Variants in SKIC3 observed in about 807,000 individuals in gnomAD.
The protein encoded by SKIC3 is superkiller complex protein 3.
chr5:95,544,775 GT>G, the SKIC3 span, among the ~76,000 whole-genome samples: 2 of 152,194 alleles, frequency 1.3e-5, no homozygotes, highest in African/African-American at 4.8e-5. Context: ...CAAAATGGAT[GT>G]TTAAGAAAAT....
At chr5:95,543,288 C>T in the SKIC3 span, 3,899 of 1,613,950 alleles carry the variant, frequency 2.4e-3, 73 homozygotes, top group African/African-American at 0.04. Flanking sequence ...CCAATAAAAA[C>T]CCAGGCATTA....
the SKIC3 span, chr5:95,494,558 A>G: frequency 2.0e-6 from 2 of 995,882 alleles, no homozygotes; most frequent in Non-Finnish European, 3.1e-6. Flanking sequence ...AATTACACAC[A>G]TTTTTGTCTG....
chr5:95,494,457 A>T, the SKIC3 span, among the ~76,000 whole-genome samples: 1 of 152,190 alleles, frequency 6.6e-6, no homozygotes, highest in Non-Finnish European at 1.5e-5. Flanking sequence ...ATCAATTTAA[A>T]AAGTCCTTTC....
At chr5:95,536,697 G>T in the SKIC3 span, 1 of 832,598 alleles carries the variant, frequency 1.2e-6, no homozygotes, top group Admixed American at 1.8e-5. Context: ...TTCTTTTTAT[G>T]TCCAGAAACA....
chr5:95,533,697 T>C, the SKIC3 span, among the ~76,000 whole-genome samples: 1 of 152,310 alleles, frequency 6.6e-6, no homozygotes, highest in East Asian at 1.9e-4. Flanking sequence ...TCCAGAACCT[T>C]ACTCAAAAAT....
At chr5:95,516,445 C>T in the SKIC3 span, 1 of 1,612,412 alleles carries the variant, frequency 6.2e-7, no homozygotes, top group Non-Finnish European at 8.5e-7. Flanking sequence ...TAAAATAGGC[C>T]CCTTGTCTAG....
At chr5:95,546,814 G>A in the SKIC3 span, among the ~76,000 whole-genome samples, 1 of 152,134 alleles carries the variant, frequency 6.6e-6, no homozygotes, top group African/African-American at 2.4e-5. Context: ...ACCATCAAAA[G>A]ATATTTATGG....
chr5:95,498,680 C>T, the SKIC3 span: 3 of 1,208,758 alleles, frequency 2.5e-6, no homozygotes, highest in Non-Finnish European at 3.5e-6. Context: ...GGCTGGAGTG[C>T]AGTGGCACCA....
the SKIC3 span, among the ~76,000 whole-genome samples, chr5:95,552,776 T>G: frequency 6.6e-6 from 1 of 151,752 alleles, no homozygotes; most frequent in African/African-American, 2.4e-5. Context: ...TTAGCAAAAA[T>G]GTTGTACGTT....
the SKIC3 span, among the ~76,000 whole-genome samples, chr5:95,506,625 A>G: frequency 6.6e-6 from 1 of 152,154 alleles, no homozygotes; most frequent in East Asian, 1.9e-4. Flanking sequence ...TATATAGCAA[A>G]TCAGAATAAA....
chr5:95,521,043 T>G, the SKIC3 span, among the ~76,000 whole-genome samples: 2 of 152,044 alleles, frequency 1.3e-5, no homozygotes, highest in Non-Finnish European at 2.9e-5. Flanking sequence ...ATAAAAAAGT[T>G]ATCTACAGAA....
At chr5:95,529,118 CAA>C in the SKIC3 span, 1 of 1,611,674 alleles carries the variant, frequency 6.2e-7, no homozygotes. Context: ...AGGATAAAAA[CAA>C]TCACAAAAAA....
the SKIC3 span, chr5:95,523,728 G>C: frequency 1.2e-6 from 2 of 1,613,550 alleles, no homozygotes; most frequent in African/African-American, 2.7e-5. Flanking sequence ...TAATTCAAAG[G>C]CTTTCCTATA....
the SKIC3 span, among the ~76,000 whole-genome samples, chr5:95,511,981 T>C: frequency 6.6e-6 from 1 of 152,348 alleles, no homozygotes; most frequent in East Asian, 1.9e-4. Context: ...ATCTTTCCAA[T>C]ATCTTCAAGA....
At chr5:95,503,891 G>A in the SKIC3 span, 1 of 1,613,798 alleles carries the variant, frequency 6.2e-7, no homozygotes, top group South Asian at 1.1e-5. Flanking sequence ...CACTTCAAGG[G>A]GTGTTGACTT....
the SKIC3 span, among the ~76,000 whole-genome samples, chr5:95,466,645 C>T: frequency 1.3e-5 from 2 of 152,316 alleles, no homozygotes; most frequent in South Asian, 2.1e-4. Flanking sequence ...GATGTTAATA[C>T]AAGACCAGTG....
chr5:95,475,279 T>C, the SKIC3 span, among the ~76,000 whole-genome samples: 3 of 152,168 alleles, frequency 2.0e-5, no homozygotes, highest in African/African-American at 7.2e-5. Flanking sequence ...CGTTGAACTG[T>C]AATCCCCAGT....
chr5:95,473,817 G>A, the SKIC3 span, among the ~76,000 whole-genome samples: 2 of 152,200 alleles, frequency 1.3e-5, no homozygotes, highest in Non-Finnish European at 2.9e-5. Context: ...TTAGATCTTT[G>A]TCAGATGCAT....
At chr5:95,478,851 A>C in the SKIC3 span, among the ~76,000 whole-genome samples, 1 of 152,186 alleles carries the variant, frequency 6.6e-6, no homozygotes, top group Non-Finnish European at 1.5e-5. Context: ...TAGCATATTC[A>C]AAGTAGAATC....
Sources: allele counts gnomAD v4.1 joint callset (sites outside exome capture counted in the v4.1 genomes callset), GRCh38; gene constraint gnomAD v4.1.1; transcripts MANE v1.5; gene names NCBI Gene and HGNC (gene_info 2026-07-23, HGNC 2026-07-21).